The following C1orf21 variants were observed in gnomAD, a reference collection of about 807,000 sequenced individuals.
The protein encoded by C1orf21 is uncharacterized protein C1orf21.
C1orf21 carries 3 observed loss-of-function variants against 18.7 expected under a neutral mutation model. The ratio of observed to expected loss-of-function variants is 0.16; its 90% CI spans 0.07 to 0.42. C1orf21 has a LOEUF of 0.42. Ranked by LOEUF, C1orf21 falls within the 10% of genes least tolerant of loss-of-function variation. The pLI, the probability that C1orf21 is intolerant of heterozygous loss-of-function variation, is 0.99. For synonymous variants in C1orf21, 41 were observed against 46.4 expected, an observed-to-expected ratio of 0.88 and a Z score of 0.47; for missense variants, 104 against 143.6, an observed-to-expected ratio of 0.72 and a Z score of 1.41.
intron 1 of C1orf21, among the ~76,000 whole-genome samples, chr1:184,401,323 T>C (rs1461295780): frequency 1.3e-5 from 2 of 152,168 alleles, no homozygotes; most frequent in East Asian, 3.9e-4. Flanking sequence ...TGGGTTCAAG[T>C]GATTTTCCTG....
chr1:184,585,962 A>G (rs1659346278), intron 3 of C1orf21, among the ~76,000 whole-genome samples: 2 of 152,156 alleles, frequency 1.3e-5, no homozygotes, highest in South Asian at 4.1e-4. Context: ...AGAACGATTT[A>G]TATTCCTTTG....
At chr1:184,552,476 T>A (rs1658826289) in intron 3 of C1orf21, among the ~76,000 whole-genome samples, 1 of 152,108 alleles carries the variant, frequency 6.6e-6, no homozygotes, top group Non-Finnish European at 1.5e-5. Context: ...CTGCTGAGAG[T>A]GTAAATAGCC....
intron 3 of C1orf21, among the ~76,000 whole-genome samples, chr1:184,586,419 G>A (rs546478801): frequency 1.3e-5 from 2 of 151,846 alleles, no homozygotes; most frequent in South Asian, 2.1e-4. Context: ...GAGTAGCTGG[G>A]ACTACAGGCG....
At chr1:184,417,968 CAGGAG>C (rs1656481618) in intron 1 of C1orf21, among the ~76,000 whole-genome samples, 1 of 152,162 alleles carries the variant, frequency 6.6e-6, no homozygotes, top group African/African-American at 2.4e-5. Context: ...GTCTTTGGTT[CAGGAG>C]TTGGTTAAGG....
At chr1:184,585,566 C>T (rs2101996754) in intron 3 of C1orf21, among the ~76,000 whole-genome samples, 1 of 152,214 alleles carries the variant, frequency 6.6e-6, no homozygotes, top group South Asian at 2.1e-4. Flanking sequence ...TTTCATCACC[C>T]AGGTATTAAG....
chr1:184,463,744 C>T (rs927966241), intron 1 of C1orf21, among the ~76,000 whole-genome samples: 3 of 152,144 alleles, frequency 2.0e-5, no homozygotes, highest in Admixed American at 1.3e-4. Flanking sequence ...ATGCTAACTT[C>T]AAAAGGAAGA....
chr1:184,516,099 C>T (rs1658220966), intron 3 of C1orf21, among the ~76,000 whole-genome samples: 1 of 152,198 alleles, frequency 6.6e-6, no homozygotes, highest in South Asian at 2.1e-4. Flanking sequence ...AGACATGAGC[C>T]ACCATGCCCA....
At chr1:184,596,248 G>T (rs546291034) in intron 4 of C1orf21, among the ~76,000 whole-genome samples, 1 of 152,318 alleles carries the variant, frequency 6.6e-6, no homozygotes, top group East Asian at 1.9e-4. Context: ...ATAGACAGTA[G>T]AAGGGACATC....
intron 4 of C1orf21, among the ~76,000 whole-genome samples, chr1:184,591,653 A>C (rs1360499784): frequency 2.0e-5 from 3 of 151,990 alleles, no homozygotes; most frequent in African/African-American, 7.3e-5. Flanking sequence ...AAAAATACAA[A>C]AACTTAGCCG....
rs750490177 is a variant in C1orf21 at position 184,507,643 on chromosome 1, A to C, written c.150A>C (p.Glu50Asp). ...EEVKYMKNGAEEEQKIAARNQ... is the reference protein window; with the variant it reads ...EEVKYMKNGADEEQKIAARNQ... ...TCAAATACATGAAAAATGGGGCAGA[A>C]GAAGAGCAGAAAATAGCAGCCAGGA... The change falls in exon 3 of 6, where the codon GAA (glutamate) becomes GAC (aspartate). Residue 50 changes from glutamate to aspartate, a missense_variant. Glu to Asp is a conservative substitution (Grantham distance 45). Transcript: ENST00000235307. 1 of 1,606,024 alleles carries C rather than the reference A, an allele frequency of 6.2e-7. No homozygotes were observed. The highest frequency in any genetic ancestry group is 1.7e-5 in the Admixed American group (1 of 57,948).
At chr1:184,587,006 G>A (rs1571290504) in intron 3 of C1orf21, among the ~76,000 whole-genome samples, 1 of 152,178 alleles carries the variant, frequency 6.6e-6, no homozygotes, top group Non-Finnish European at 1.5e-5. Context: ...CATATGGCTA[G>A]CCAGTTATCC....
At chr1:184,395,475 A>G (rs1656037917) in intron 1 of C1orf21, among the ~76,000 whole-genome samples, 1 of 152,170 alleles carries the variant, frequency 6.6e-6, no homozygotes, top group African/African-American at 2.4e-5. Context: ...TTTATTGAAC[A>G]AACATTGACT....
intron 5 of C1orf21, among the ~76,000 whole-genome samples, chr1:184,608,096 C>T (rs564460524): frequency 1.1e-4 from 16 of 152,032 alleles, no homozygotes; most frequent in South Asian, 2.1e-4. Flanking sequence ...TTGCTGTGCC[C>T]GGGGATGGGG....
chr1:184,551,031 T>G (rs570555698), intron 3 of C1orf21, among the ~76,000 whole-genome samples: 1 of 152,270 alleles, frequency 6.6e-6, no homozygotes, highest in East Asian at 1.9e-4. Flanking sequence ...AAATGTAAAA[T>G]ATATAGTAAA....
chr1:184,453,123 T>C (rs1406309797), intron 1 of C1orf21, among the ~76,000 whole-genome samples: 2 of 152,162 alleles, frequency 1.3e-5, no homozygotes, highest in Non-Finnish European at 2.9e-5. Flanking sequence ...AAGTGATGCA[T>C]ACTACAGCCC....
intron 1 of C1orf21, among the ~76,000 whole-genome samples, chr1:184,456,338 T>C (rs1657196955): frequency 6.6e-6 from 1 of 152,234 alleles, no homozygotes; most frequent in Non-Finnish European, 1.5e-5. Context: ...CAAGAGTATA[T>C]ATACTGAAAC....
At chr1:184,557,287 T>G (rs1283105097) in intron 3 of C1orf21, among the ~76,000 whole-genome samples, 1 of 152,068 alleles carries the variant, frequency 6.6e-6, no homozygotes, top group Non-Finnish European at 1.5e-5. Context: ...TGGGAACAGG[T>G]GGTGTTAACT....
chr1:184,422,168 G>T (rs924772078), intron 1 of C1orf21, among the ~76,000 whole-genome samples: 1 of 152,170 alleles, frequency 6.6e-6, no homozygotes, highest in Non-Finnish European at 1.5e-5. Context: ...AAGCAATAGT[G>T]CAGCATCAGG....
At chr1:184,553,138 G>A (rs574613347) in intron 3 of C1orf21, among the ~76,000 whole-genome samples, 33 of 152,114 alleles carry the variant, frequency 2.2e-4, no homozygotes, top group African/African-American at 6.7e-4. Context: ...ATCTGGGTAC[G>A]ACTTGTCACA....
Sources: gnomAD v4.1 joint callset for allele counts (sites outside exome capture counted in the v4.1 genomes callset) on GRCh38, gnomAD v4.1.1 for gene constraint, MANE v1.5 for transcripts, NCBI Gene and HGNC (gene_info 2026-07-23, HGNC 2026-07-21) for gene names.